The following ATRN variants were observed in gnomAD, a reference collection of about 807,000 sequenced individuals.
The protein encoded by ATRN is attractin-2.
ATRN carries 54 observed loss-of-function variants against 178.7 expected under a neutral mutation model. The ratio of observed to expected loss-of-function variants is 0.30; its 90% confidence interval spans 0.24 to 0.38. The LOEUF (loss-of-function observed/expected upper bound fraction) is 0.38, where lower values mean the gene tolerates loss of function less well. Ranked by LOEUF, ATRN falls within the 10% of genes least tolerant of loss-of-function variation. The probability of loss-of-function intolerance (pLI) is 1.00; values close to 1 mark genes in which losing one functional copy is unlikely to be tolerated. For synonymous variants in ATRN, 636 were observed against 663.0 expected (o/e 0.96, Z 0.63); for missense variants, 1,443 against 1,815.1 (o/e 0.79, Z 3.73).
At chr20:3,598,347 C>G (rs966205684) in intron 22 of ATRN, among the ~76,000 whole-genome samples, 1 of 152,234 alleles carries the variant, frequency 6.6e-6, no homozygotes, top group South Asian at 2.1e-4. Flanking sequence ...TGACCAGAGG[C>G]TTAAAGACAC....
intron 22 of ATRN, among the ~76,000 whole-genome samples, chr20:3,599,152 A>C (rs2086571730): frequency 6.6e-6 from 1 of 152,186 alleles, no homozygotes; most frequent in Non-Finnish European, 1.5e-5. Flanking sequence ...GAATTATTTT[A>C]TGGAAAAACT....
chr20:3,539,451 G>A (rs2085587393), intron 2 of ATRN, among the ~76,000 whole-genome samples: 2 of 152,160 alleles, frequency 1.3e-5, no homozygotes, highest in Admixed American at 1.3e-4. Flanking sequence ...ATGAGAGGGA[G>A]ATGTCAAATA....
chr20:3,508,793 A>G (rs1489448759), intron 1 of ATRN, among the ~76,000 whole-genome samples: 2 of 152,142 alleles, frequency 1.3e-5, no homozygotes, highest in Non-Finnish European at 2.9e-5. Context: ...TATAGAATTG[A>G]AATATACACC....
chr20:3,639,368 C>A (rs2087049995), intron 27 of ATRN, among the ~76,000 whole-genome samples: 1 of 152,014 alleles, frequency 6.6e-6, no homozygotes. Context: ...TTCTCTTGCC[C>A]CAGCCTCCTG....
At chr20:3,530,251 ATATAT>A (rs1248624822) in intron 1 of ATRN, among the ~76,000 whole-genome samples, 7 of 147,514 alleles carry the variant, frequency 4.7e-5, no homozygotes, top group Non-Finnish European at 1.0e-4. Context: ...TTAAAAAATT[ATATAT>A]TATATATATA....
At chr20:3,590,757 T>C (rs548015997) in intron 18 of ATRN, among the ~76,000 whole-genome samples, 1 of 152,208 alleles carries the variant, frequency 6.6e-6, no homozygotes, top group African/African-American at 2.4e-5. Flanking sequence ...AATATTAATA[T>C]GAACATAATT....
At chr20:3,518,969 A>T (rs939326488) in intron 1 of ATRN, among the ~76,000 whole-genome samples, 4 of 147,752 alleles carry the variant, frequency 2.7e-5, no homozygotes, top group Non-Finnish European at 6.0e-5. Context: ...CTAACTTTCC[A>T]ACTGATAAAT....
At chr20:3,604,894 G>A (rs965943980) in intron 24 of ATRN, among the ~76,000 whole-genome samples, 7 of 152,148 alleles carry the variant, frequency 4.6e-5, no homozygotes, top group East Asian at 1.9e-4. Flanking sequence ...TTCCCAGGGG[G>A]CCAGTGTACT....
chr20:3,594,835 T>C (rs1010162223), intron 20 of ATRN, among the ~76,000 whole-genome samples: 1 of 152,190 alleles, frequency 6.6e-6, no homozygotes, highest in Non-Finnish European at 1.5e-5. Flanking sequence ...TCCTGGGTTG[T>C]CCATTTGGAG....
chr20:3,596,466 G>A (rs781483020), intron 21 of ATRN, 37 bp downstream of exon 21: 3 of 1,572,092 alleles, frequency 1.9e-6, no homozygotes, highest in South Asian at 2.2e-5. Context: ...TAGAAGCAAA[G>A]TAGTTCAGTA....
rs2086336332 is a variant in ATRN at position 3,584,889 on chromosome 20, C to A, written c.3184+9C>A. On this transcript the variant is annotated intron_variant, in intron 18 of 28. Coordinates refer to ENST00000262919, the MANE Select transcript of ATRN (RefSeq NM_139321.3). ...TTTCATTCACTGTCCAGGTAAGATG[C>A]CTTGCATATCCAAATTCAAGTGTTT... is the stretch of plus-strand genomic sequence containing the variant. 1.9e-6 allele frequency: 3 copies of A among 1,608,956 alleles called. No individual in the cohort carries two copies. The highest frequency in any genetic ancestry group is 3.3e-5 in the Admixed American group (2 of 59,938).
chr20:3,626,231 C>CAAAAAA (rs3084195), intron 25 of ATRN, among the ~76,000 whole-genome samples: 6 of 99,542 alleles, frequency 6.0e-5, no homozygotes, highest in African/African-American at 2.3e-4. Context: ...GACCCTGTCT[C>CAAAAAA]AAAAAAAAAA....
At chr20:3,584,621 C>T in intron 17 of ATRN, 26 bp from the exon 18 acceptor site, 1 of 1,546,102 alleles carries the variant, frequency 6.5e-7, no homozygotes. Context: ...CTGTGATAGT[C>T]AATTGCAACT....
rs1278115746 is a variant in ATRN, at chr20:3,591,194, A to G, written c.3210A>G (p.Lys1070=). The change falls in exon 19 of 29, where the codon AAA becomes AAG. Residue 1070 remains lysine, a synonymous_variant. Coordinates refer to ENST00000262919, the MANE Select transcript of ATRN (RefSeq NM_139321.3). ...CPACQCNGHS[K]CINQSICEKC... ...CTTGCCAATGCAACGGCCACAGTAAATGCATCAATCAGAGCATCTGTGAGA... is the reference window on the plus strand; with the variant it reads ...CTTGCCAATGCAACGGCCACAGTAAGTGCATCAATCAGAGCATCTGTGAGA... 6.2e-7 allele frequency: 1 copy of G among 1,614,178 alleles called. No homozygotes were observed. The highest frequency in any genetic ancestry group is 8.5e-7 in the Non-Finnish European group (1 of 1,179,990).
intron 26 of ATRN, among the ~76,000 whole-genome samples, chr20:3,637,639 A>C (rs1424572466): frequency 6.6e-6 from 1 of 152,172 alleles, no homozygotes; most frequent in African/African-American, 2.4e-5. Context: ...AAAGATCTCT[A>C]ATATCCTTAA....
At chr20:3,549,570 C>T (rs866728425) in intron 6 of ATRN, among the ~76,000 whole-genome samples, 4 of 152,138 alleles carry the variant, frequency 2.6e-5, no homozygotes, top group Non-Finnish European at 4.4e-5. Context: ...AATACTGTCT[C>T]TGATGTTTTG....
At chr20:3,542,552 C>A (rs1315617577) in intron 3 of ATRN, among the ~76,000 whole-genome samples, 1 of 134,246 alleles carries the variant, frequency 7.4e-6, no homozygotes, top group Non-Finnish European at 1.6e-5. Flanking sequence ...CCTTCCCCTT[C>A]CCCCTTCCAC....
intron 1 of ATRN, among the ~76,000 whole-genome samples, chr20:3,502,721 C>A (rs2084981192): frequency 6.6e-6 from 1 of 152,176 alleles, no homozygotes; most frequent in Non-Finnish European, 1.5e-5. Context: ...AGAGACCCAA[C>A]TATAGCTAGC....
At chr20:3,592,268 C>T (rs1207220431) in intron 19 of ATRN, among the ~76,000 whole-genome samples, 5 of 151,862 alleles carry the variant, frequency 3.3e-5, no homozygotes, top group East Asian at 1.9e-4. Context: ...GGCATGGTGG[C>T]GGGGGCCTGT....
Sources: gnomAD v4.1 joint callset for allele counts (sites outside exome capture counted in the v4.1 genomes callset) on GRCh38, gnomAD v4.1.1 for gene constraint, MANE v1.5 for transcripts, NCBI Gene and HGNC (gene_info 2026-07-23, HGNC 2026-07-21) for gene names.